The following CSMD1 variants were observed in gnomAD, a reference collection of about 807,000 sequenced individuals.
CSMD1 encodes the protein CUB and Sushi multiple domains 1, also known as CUB and sushi domain-containing protein 1.
In CSMD1, 213 loss-of-function variants were observed where a neutral mutation model predicts 417.5. The observed-to-expected ratio is 0.51, with a 90% CI of 0.46 to 0.57. CSMD1 has a LOEUF of 0.57. CSMD1 is among the 20% of genes least tolerant of loss of function. The probability of loss-of-function intolerance (pLI) is 0.00; values close to 1 mark genes in which losing one functional copy is unlikely to be tolerated. For missense variants in CSMD1, 6,923 were observed against 4,529.7 expected (o/e 1.53, Z -15.17); for synonymous variants, 2,862 against 1,736.8 (o/e 1.65, Z -16.11).
At chr8:3,928,987 T>A (rs1809946834) in intron 5 of CSMD1, among the ~76,000 whole-genome samples, 1 of 150,546 alleles carries the variant, frequency 6.6e-6, no homozygotes, top group Non-Finnish European at 1.5e-5. Context: ...TGGTTGTCAT[T>A]GTATAAGAAA....
intron 7 of CSMD1, among the ~76,000 whole-genome samples, chr8:3,671,882 G>C (rs1799089239): frequency 6.6e-6 from 1 of 151,936 alleles, no homozygotes; most frequent in South Asian, 2.1e-4. Flanking sequence ...CTGGGAGATG[G>C]GGCACCCACC....
chr8:4,012,185 G>T (rs1405914573), intron 4 of CSMD1, among the ~76,000 whole-genome samples: 1 of 151,904 alleles, frequency 6.6e-6, no homozygotes, highest in Non-Finnish European at 1.5e-5. Context: ...CAGTAAACAG[G>T]GCTGACTGTA....
At chr8:4,924,742 A>AG (rs1364601560) in intron 1 of CSMD1, among the ~76,000 whole-genome samples, 28 of 151,654 alleles carry the variant, frequency 1.8e-4, no homozygotes, top group African/African-American at 4.8e-5. Context: ...AAAAAAAAAA[A>AG]AAACCTACAA....
At chr8:4,611,281 T>A (rs757042992) in intron 2 of CSMD1, among the ~76,000 whole-genome samples, 15 of 152,210 alleles carry the variant, frequency 9.9e-5, no homozygotes, top group Non-Finnish European at 1.9e-4. Flanking sequence ...TGTGAAAACC[T>A]TTTCATACCA....
At chr8:3,897,876 T>C (rs1026675952) in intron 5 of CSMD1, among the ~76,000 whole-genome samples, 2 of 152,182 alleles carry the variant, frequency 1.3e-5, no homozygotes, top group African/African-American at 4.8e-5. Flanking sequence ...GCCTATGGAA[T>C]CTTGGCCACA....
At chr8:4,112,901 A>G (rs1168787391) in intron 3 of CSMD1, among the ~76,000 whole-genome samples, 1 of 152,176 alleles carries the variant, frequency 6.6e-6, no homozygotes, top group Admixed American at 6.5e-5. Context: ...AAGCAAGTCT[A>G]TTGGAGCCAT....
At chr8:3,321,930 T>C (rs1806179142) in intron 23 of CSMD1, among the ~76,000 whole-genome samples, 1 of 152,202 alleles carries the variant, frequency 6.6e-6, no homozygotes, top group South Asian at 2.1e-4. Flanking sequence ...ATGGATTCAG[T>C]ATTATTTAGC....
chr8:4,845,856 C>T (rs978324689), intron 1 of CSMD1, among the ~76,000 whole-genome samples: 4 of 152,142 alleles, frequency 2.6e-5, no homozygotes, highest in African/African-American at 9.7e-5. Flanking sequence ...CTGAATTTTT[C>T]CCACTACCTA....
intron 3 of CSMD1, among the ~76,000 whole-genome samples, chr8:4,388,995 A>C (rs551171568): frequency 6.6e-6 from 1 of 152,174 alleles, no homozygotes. Context: ...TGTTCTTTGT[A>C]ATTGTTCAGG....
chr8:4,168,136 A>C (rs1209831132), intron 3 of CSMD1, among the ~76,000 whole-genome samples: 2 of 9,852 alleles, frequency 2.0e-4, no homozygotes, highest in Non-Finnish European at 2.6e-3. Context: ...CTCAAAAATA[A>C]AAAAAAATAT....
chr8:4,708,189 A>G (rs1249697971), intron 1 of CSMD1, among the ~76,000 whole-genome samples: 4 of 152,102 alleles, frequency 2.6e-5, no homozygotes, highest in Non-Finnish European at 5.9e-5. Context: ...TCCACAAACA[A>G]TCCACCTACC....
chr8:3,934,235 G>T (rs1486693276), intron 5 of CSMD1, among the ~76,000 whole-genome samples: 3 of 152,108 alleles, frequency 2.0e-5, no homozygotes, highest in Non-Finnish European at 4.4e-5. Context: ...GATGAAAACT[G>T]ATGAACTTGC....
intron 1 of CSMD1, among the ~76,000 whole-genome samples, chr8:4,721,096 T>C (rs1630240): frequency 0.31 from 46,750 of 152,036 alleles, 8,815 homozygotes; most frequent in African/African-American, 0.54. Flanking sequence ...AAGGAGGAAG[T>C]ATGAAAAAGG....
chr8:4,717,531 AATCT>A (rs1436277851), intron 1 of CSMD1, among the ~76,000 whole-genome samples: 2 of 148,688 alleles, frequency 1.3e-5, no homozygotes, highest in East Asian at 3.9e-4. Flanking sequence ...CAAACCTATC[AATCT>A]GTCTGTCTGT....
At chr8:4,553,817 T>C (rs1301503343) in intron 2 of CSMD1, among the ~76,000 whole-genome samples, 1 of 152,204 alleles carries the variant, frequency 6.6e-6, no homozygotes, top group East Asian at 1.9e-4. Context: ...ATCATCTATT[T>C]ACAAGGGACA....
Position 3,407,989 on chromosome 8 carries a change from A to T in CSMD1, c.1981T>A (p.Ser661Thr), listed in dbSNP as rs1322870523. 1.2e-6 allele frequency: 2 copies of T among 1,613,840 alleles called. No homozygotes were observed. The highest frequency in any genetic ancestry group is 3.3e-5 in the Admixed American group (2 of 60,004). Residue 661 changes from serine (S) to threonine (T), a missense_variant, in exon 14 of 70, where the codon TCC becomes ACC. By Grantham distance (58) the Ser-to-Thr change is moderately conservative (BLOSUM62 1). Transcript: ENST00000635120. ...ATATGCCCACTGCTGGCCAGCTGGGAAGGCACTTCATTGCCAGAAAAAGTA... is the reference window on the plus strand; with the variant it reads ...ATATGCCCACTGCTGGCCAGCTGGGTAGGCACTTCATTGCCAGAAAAAGTA... The part of the protein sequence containing the change: ...LGTFSGNEVP[S>T]QLASSGHIVR...
intron 5 of CSMD1, among the ~76,000 whole-genome samples, chr8:3,853,743 C>T (rs1309818037): frequency 2.6e-5 from 4 of 151,720 alleles, no homozygotes; most frequent in Non-Finnish European, 5.9e-5. Flanking sequence ...CAGGGAAGGA[C>T]AGCATTAGGA....
chr8:3,530,297 A>T (rs560583603), intron 10 of CSMD1, among the ~76,000 whole-genome samples: 1 of 152,276 alleles, frequency 6.6e-6, no homozygotes, highest in South Asian at 2.1e-4. Flanking sequence ...GTTTACAGCT[A>T]CAAATGTCCC....
chr8:4,081,708 G>C (rs549567325), intron 3 of CSMD1, among the ~76,000 whole-genome samples: 2 of 152,240 alleles, frequency 1.3e-5, no homozygotes, highest in Non-Finnish European at 2.9e-5. Context: ...ATTCTAAAAA[G>C]TATTTTCTCT....
Sources: allele counts gnomAD v4.1 joint callset (sites outside exome capture counted in the v4.1 genomes callset), GRCh38; gene constraint gnomAD v4.1.1; transcripts MANE v1.5; gene names NCBI Gene and HGNC (gene_info 2026-07-23, HGNC 2026-07-21).